Variants in WDR72 observed in about 807,000 individuals in gnomAD.
WDR72 encodes the protein WD repeat domain 72, also known as WD repeat-containing protein 72.
Under a neutral mutation model 124.2 loss-of-function variants are expected in WDR72, and 120 were observed. The observed-to-expected ratio is 0.97, with a 90% CI of 0.83 to 1.12. The LOEUF is 1.12. WDR72 is among the 50% of genes most tolerant of loss of function. The pLI is 0.00. For synonymous variants in WDR72, 452 were observed against 441.7 expected (o/e 1.02, Z -0.29); for missense variants, 1,387 against 1,278.8 (o/e 1.08, Z -1.29).
chr15:53,664,409 T>C (rs2015709374), intron 14 of WDR72, among the ~76,000 whole-genome samples: 2 of 152,180 alleles, frequency 1.3e-5, no homozygotes, highest in Non-Finnish European at 1.5e-5. Context: ...ATCAGTCCTC[T>C]AAACCTAAAA....
intron 1 of WDR72, among the ~76,000 whole-genome samples, chr15:53,736,208 A>G (rs2140623206): frequency 6.6e-6 from 1 of 152,312 alleles, no homozygotes; most frequent in Non-Finnish European, 1.5e-5. Context: ...ATTCAGTCCT[A>G]AAGCCATGGA....
At chr15:53,666,662 T>C (rs931477158) in intron 13 of WDR72, among the ~76,000 whole-genome samples, 3 of 152,204 alleles carry the variant, frequency 2.0e-5, no homozygotes, top group African/African-American at 7.2e-5. Flanking sequence ...CATTTCATAT[T>C]CTTTTCCACC....
intron 18 of WDR72, among the ~76,000 whole-genome samples, chr15:53,546,544 T>A (rs1038401012): frequency 3.3e-5 from 5 of 151,824 alleles, no homozygotes; most frequent in South Asian, 4.2e-4. Context: ...GGGATAGCAT[T>A]GGGAGATATA....
intron 14 of WDR72, among the ~76,000 whole-genome samples, chr15:53,630,757 T>C (rs1282939629): frequency 1.3e-5 from 2 of 152,176 alleles, no homozygotes; most frequent in Non-Finnish European, 2.9e-5. Flanking sequence ...AACATAATAC[T>C]TATGGTGAAA....
At chr15:53,607,600 G>A (rs773179507) in intron 17 of WDR72, among the ~76,000 whole-genome samples, 21 of 152,054 alleles carry the variant, frequency 1.4e-4, no homozygotes, top group Non-Finnish European at 1.9e-4. Context: ...CCAGGACATT[G>A]GTTTGGGCAA....
At chr15:53,629,371 T>G (rs1428692084) in intron 14 of WDR72, among the ~76,000 whole-genome samples, 1 of 151,524 alleles carries the variant, frequency 6.6e-6, no homozygotes, top group Non-Finnish European at 1.5e-5. Flanking sequence ...ATATATTAAC[T>G]CCAGATAAAA....
At chr15:53,733,331 C>A in intron 1 of WDR72, 170 bp from the exon 2 acceptor site, 1 of 684,472 alleles carries the variant, frequency 1.5e-6, no homozygotes, top group South Asian at 1.7e-5. Flanking sequence ...TCATCAGAAA[C>A]TGAAATTACC....
At chr15:53,575,619 T>C (rs1182648233) in intron 18 of WDR72, among the ~76,000 whole-genome samples, 3 of 152,096 alleles carry the variant, frequency 2.0e-5, no homozygotes, top group African/African-American at 4.8e-5. Context: ...GAAACTGAAC[T>C]CAGTTTTCTA....
chr15:53,708,550 C>T (rs2017448486), intron 9 of WDR72, among the ~76,000 whole-genome samples: 1 of 152,052 alleles, frequency 6.6e-6, no homozygotes, highest in East Asian at 1.9e-4. Flanking sequence ...TTGGGCTAAA[C>T]CACTTGAATT....
intron 13 of WDR72, among the ~76,000 whole-genome samples, chr15:53,695,611 C>T (rs1408593683): frequency 6.6e-6 from 1 of 152,154 alleles, no homozygotes; most frequent in African/African-American, 2.4e-5. Flanking sequence ...CCTGGCAGCG[C>T]CACATTTTTA....
intron 13 of WDR72, chr15:53,684,249 G>A (rs1040869321): frequency 6.5e-6 from 1 of 154,810 alleles, no homozygotes; most frequent in East Asian, 1.9e-4. Flanking sequence ...ACAGCTCCCA[G>A]GGTGAGCGAC....
At chr15:53,580,691 G>C (rs72745159) in intron 18 of WDR72, among the ~76,000 whole-genome samples, 4 of 151,714 alleles carry the variant, frequency 2.6e-5, no homozygotes, top group African/African-American at 4.8e-5. Flanking sequence ...AACAGCTCAC[G>C]TTACCCAAAT....
chr15:53,641,150 G>C (rs185820767), intron 14 of WDR72, among the ~76,000 whole-genome samples: 4 of 151,950 alleles, frequency 2.6e-5, no homozygotes, highest in African/African-American at 9.7e-5. Context: ...AAGGTAGAGA[G>C]TTGGGATATA....
At chr15:53,762,627 C>T (rs2140911615), upstream of WDR72, 1 of 152,382 alleles carries the variant, frequency 6.6e-6, no homozygotes, top group East Asian at 1.9e-4. Flanking sequence ...CACACATCCC[C>T]TCATCCCCAA....
chr15:53,534,259 A>C (rs1479533111), intron 18 of WDR72, among the ~76,000 whole-genome samples: 2 of 152,090 alleles, frequency 1.3e-5, no homozygotes, highest in Non-Finnish European at 1.5e-5. Flanking sequence ...AGTCTACTTT[A>C]TTTGCACTGA....
At chr15:53,584,022 A>T (rs1348224680) in intron 18 of WDR72, among the ~76,000 whole-genome samples, 2 of 152,002 alleles carry the variant, frequency 1.3e-5, no homozygotes, top group African/African-American at 4.8e-5. Context: ...ACACCTAATA[A>T]TCTGGTCTTA....
intron 4 of WDR72, among the ~76,000 whole-genome samples, 198 bp downstream of exon 4, chr15:53,716,409 A>T (rs955096739): frequency 2.6e-5 from 4 of 152,230 alleles, no homozygotes; most frequent in African/African-American, 7.2e-5. Context: ...TCAGGGGGAA[A>T]ATCTGCTTGA....
At chr15:53,683,499 G>A (rs919901872) in intron 13 of WDR72, among the ~76,000 whole-genome samples, 2 of 151,942 alleles carry the variant, frequency 1.3e-5, no homozygotes, top group African/African-American at 4.8e-5. Context: ...TTTAAAATAA[G>A]GATAGTATCT....
chr15:53,711,622 AT>A, intron 7 of WDR72, 141 bp from the exon 8 acceptor site: 1 of 938,018 alleles, frequency 1.1e-6, no homozygotes, highest in Non-Finnish European at 1.6e-6. Flanking sequence ...TTAAGATGAT[AT>A]TTTACCATGA....
Sources: allele counts gnomAD v4.1 joint callset (sites outside exome capture counted in the v4.1 genomes callset), GRCh38; gene constraint gnomAD v4.1.1; transcripts MANE v1.5; gene names NCBI Gene and HGNC (gene_info 2026-07-23, HGNC 2026-07-21).